Variants in DDR2 observed in about 807,000 individuals in gnomAD.
DDR2 encodes discoidin domain-containing receptor 2.
In DDR2, 27 loss-of-function variants were observed where a neutral mutation model predicts 94.9. That is an observed-to-expected ratio of 0.28 (90% CI 0.21 to 0.39). The LOEUF is 0.39. DDR2 is among the 10% of genes least tolerant of loss of function. The pLI, the probability that DDR2 is intolerant of heterozygous loss-of-function variation, is 1.00. For synonymous variants in DDR2, 382 were observed against 377.2 expected, an observed-to-expected ratio of 1.01 and a Z score of -0.15; for missense variants, 783 against 1,076.0, an observed-to-expected ratio of 0.73 and a Z score of 3.81.
intron 2 of DDR2, among the ~76,000 whole-genome samples, chr1:162,713,727 T>C (rs1412864227): frequency 1.5e-5 from 2 of 134,926 alleles, no homozygotes; most frequent in Non-Finnish European, 3.3e-5. Flanking sequence ...GAATATTCTA[T>C]AGTTAATAAC....
chr1:162,739,800 C>T (rs749891653), intron 3 of DDR2, among the ~76,000 whole-genome samples: 8 of 152,046 alleles, frequency 5.3e-5, no homozygotes, highest in Non-Finnish European at 1.2e-4. Context: ...AGTGAATTAG[C>T]TTATTATGAT....
chr1:162,677,088 G>C (rs1174863599), intron 2 of DDR2, among the ~76,000 whole-genome samples: 3 of 152,218 alleles, frequency 2.0e-5, no homozygotes, highest in Non-Finnish European at 4.4e-5. Flanking sequence ...AGTTTGGGTT[G>C]ATTCCAGCTT....
chr1:162,750,765 C>A (rs536411260), intron 3 of DDR2, among the ~76,000 whole-genome samples: 315 of 152,254 alleles, frequency 2.1e-3, no homozygotes, highest in African/African-American at 7.0e-3. Flanking sequence ...GCTACAGTAA[C>A]CAAAACAGCA....
At chr1:162,775,453 T>A (rs1323665268) in intron 14 of DDR2, among the ~76,000 whole-genome samples, 199 bp from the exon 15 acceptor site, 1 of 152,124 alleles carries the variant, frequency 6.6e-6, no homozygotes, top group East Asian at 1.9e-4. Context: ...AACATTACAA[T>A]TGAATAAGGG....
chr1:162,696,051 T>C lies in DDR2; in HGVS notation c.-27-22986T>C, dbSNP rs555603555. The stretch of plus-strand genomic sequence containing the variant: ...GAACTCATTCTGGAGCTAAATGTTG[T>C]CTATTACTGTGGATTATCCATGACA... On this transcript the variant is annotated intron_variant, in intron 2 of 17. Coordinates refer to ENST00000367921, the MANE Select transcript of DDR2 (RefSeq NM_006182.4). Among the ~76,000 whole-genome samples, 4 of 152,288 alleles carry C rather than the reference T, an allele frequency of 2.6e-5. No individual in the cohort carries two copies. The East Asian group carries it at 7.7e-4, about 29-fold the overall frequency.
chr1:162,747,600 C>T (rs1662948873), intron 3 of DDR2, among the ~76,000 whole-genome samples: 1 of 152,204 alleles, frequency 6.6e-6, no homozygotes, highest in Non-Finnish European at 1.5e-5. Flanking sequence ...AGGAGAACTT[C>T]CCCAACCTAG....
chr1:162,748,467 T>A (rs1380109317), intron 3 of DDR2, among the ~76,000 whole-genome samples: 1 of 152,198 alleles, frequency 6.6e-6, no homozygotes, highest in Admixed American at 6.5e-5. Flanking sequence ...TAAATATATA[T>A]GCACCCAATA....
In DDR2 at chr1:162,780,268, T is replaced by C. The variant is rs752177998; in HGVS notation, c.*22T>C. 3.1e-6 allele frequency: 5 copies of C among 1,613,664 alleles called. No individual in the cohort carries two copies. The South Asian group carries it at 4.4e-5, about 14-fold the overall frequency. Reference sequence around the variant, plus strand: ...GTGATGCTGTCAGTGCCTGGCCATGTTCCTACGGCTCAGGTCCTCCCTACA... The same window carrying C: ...GTGATGCTGTCAGTGCCTGGCCATGCTCCTACGGCTCAGGTCCTCCCTACA... On this transcript the variant is annotated 3_prime_UTR_variant, in exon 18 of 18. Coordinates refer to ENST00000367921, the MANE Select transcript of DDR2 (RefSeq NM_006182.4).
intron 3 of DDR2, among the ~76,000 whole-genome samples, chr1:162,723,261 T>C (rs919898768): frequency 6.6e-6 from 1 of 152,044 alleles, no homozygotes; most frequent in Non-Finnish European, 1.5e-5. Flanking sequence ...TGGAGGATAA[T>C]GAGTGAGAGA....
intron 3 of DDR2, among the ~76,000 whole-genome samples, chr1:162,727,509 AAAAT>A (rs1221803771): frequency 3.3e-4 from 48 of 146,736 alleles, no homozygotes; most frequent in East Asian, 1.4e-3. Flanking sequence ...TATAGAGTTA[AAAAT>A]AAATAAATAA....
chr1:162,670,347 C>A (rs570793949), intron 2 of DDR2, among the ~76,000 whole-genome samples: 1 of 152,306 alleles, frequency 6.6e-6, no homozygotes, highest in African/African-American at 2.4e-5. Context: ...ACCTCGTGAT[C>A]TGCCTGCCTT....
intron 2 of DDR2, among the ~76,000 whole-genome samples, chr1:162,662,832 A>G (rs1658372507): frequency 6.6e-6 from 1 of 152,038 alleles, no homozygotes; most frequent in African/African-American, 2.4e-5. Context: ...GCAGAAGAGA[A>G]TCAAGAAAGT....
intron 3 of DDR2, among the ~76,000 whole-genome samples, chr1:162,747,861 A>G (rs1662962802): frequency 6.6e-6 from 1 of 152,328 alleles, no homozygotes; most frequent in Admixed American, 6.5e-5. Flanking sequence ...TTCTTAAAGA[A>G]AAGAATTTTT....
At chr1:162,775,296 T>C (rs574477567) in intron 14 of DDR2, among the ~76,000 whole-genome samples, 21 of 152,180 alleles carry the variant, frequency 1.4e-4, no homozygotes, top group Non-Finnish European at 2.5e-4. Context: ...ACTTAAGATA[T>C]GATTTTCAGT....
At chr1:162,707,632 C>T (rs993607341) in intron 2 of DDR2, among the ~76,000 whole-genome samples, 1 of 152,158 alleles carries the variant, frequency 6.6e-6, no homozygotes, top group African/African-American at 2.4e-5. Context: ...TCATGTAAAT[C>T]TCCTCCTGGC....
Position 162,770,573 on chromosome 1 carries a change from A to G in DDR2, c.1504+61A>G, listed in dbSNP as rs1354590841. 2.7e-6 allele frequency: 4 copies of G among 1,476,508 alleles called. 1 individual carries two copies. The South Asian group carries it at 4.6e-5, about 17-fold the overall frequency. The allele number at this position is 1,476,508 out of a possible 1,614,324, so 91.5% of individuals were successfully genotyped here. A position where few individuals can be genotyped will look rare whatever the true frequency, so the allele number is the denominator to read the frequency against. ...AAACCTCAGCAAGCATCAGGTAGGT[A>G]TGACACGCCTGCTCCCAGTTCATTG... On this transcript the variant is annotated intron_variant, in intron 12 of 17. Transcript: ENST00000367921.
chr1:162,660,854 T>G (rs1403453342), intron 2 of DDR2, among the ~76,000 whole-genome samples: 2 of 152,218 alleles, frequency 1.3e-5, no homozygotes, highest in African/African-American at 2.4e-5. Flanking sequence ...TGTGGCTTCT[T>G]TTGTGCTGTA....
Position 162,770,523 on chromosome 1 carries a change from TGTG to T in DDR2, c.1504+16_1504+18del, listed in dbSNP as rs1664214930. The T allele has an allele frequency of 4.3e-6, 7 of 1,613,888 alleles. No individual in the cohort carries two copies. The highest frequency in any genetic ancestry group is 5.9e-6 in the Non-Finnish European group (7 of 1,179,874). ...GGGAGGAGGAGTCAGGTGAGGATGATGTGGTGGGCAGGGTGTCAAGGGAGAAAC... is the reference window on the plus strand; with the variant it reads ...GGGAGGAGGAGTCAGGTGAGGATGATGTGGGCAGGGTGTCAAGGGAGAAAC... On this transcript the variant is annotated intron_variant, in intron 12 of 17. Transcript: ENST00000367921.
rs1199684936 is a variant in DDR2 at position 162,780,396 on chromosome 1, C to T, written c.*150C>T. On this transcript the variant is annotated 3_prime_UTR_variant, in exon 18 of 18. Transcript: ENST00000367921. ...TGCCCTCTTTTCCTGGTCACCCCCA[C>T]TCCCTACCCCTGACTCATATACACT... The T allele has an allele frequency of 6.5e-5, 74 of 1,141,116 alleles. No individual in the cohort carries two copies. The highest frequency in any genetic ancestry group is 9.2e-5 in the Non-Finnish European group (73 of 792,068). 70.7% of individuals were successfully genotyped at this position (1,141,116 alleles called of 1,614,324 possible).
Sources: allele counts gnomAD v4.1 joint callset (sites outside exome capture counted in the v4.1 genomes callset), GRCh38; gene constraint gnomAD v4.1.1; transcripts MANE v1.5; gene names NCBI Gene and HGNC (gene_info 2026-07-23, HGNC 2026-07-21).